Variants in UBE2E2 observed in about 807,000 individuals in gnomAD.
UBE2E2 encodes the protein ubiquitin conjugating enzyme E2 E2, also known as ubiquitin-conjugating enzyme E2 E2.
UBE2E2 carries 6 observed loss-of-function variants against 24.7 expected under a neutral mutation model. The observed-to-expected ratio is 0.24, with a 90% CI of 0.13 to 0.48. UBE2E2 has a LOEUF of 0.48. Ranked by LOEUF, UBE2E2 falls within the 20% of genes least tolerant of loss-of-function variation. UBE2E2 has a pLI of 0.99. For synonymous variants in UBE2E2, 104 were observed against 83.6 expected (o/e 1.24, Z -1.33); for missense variants, 169 against 245.0 (o/e 0.69, Z 2.07).
At position 23,590,669 on chromosome 3, in the gene UBE2E2, A is replaced by G. The variant is rs1696740408; in HGVS notation, c.*838A>G. On this transcript the variant is annotated 3_prime_UTR_variant, in exon 6 of 6. Transcript: ENST00000396703. ...CTTGTCTAATTCAATTACAGGTTCA[A>G]GTGTATTTTTCATCTCAAACCTCTA... The G allele has an allele frequency of 6.6e-6, 1 of 152,474 alleles. No individual in the cohort carries two copies. The highest frequency in any genetic ancestry group is 2.4e-5 in the African/African-American group (1 of 41,422). The allele number at this position is 152,474 out of a possible 1,614,324, so 9.4% of individuals were successfully genotyped here.
At chr3:23,564,406 A>G (rs567805697) in intron 5 of UBE2E2, among the ~76,000 whole-genome samples, 7 of 152,252 alleles carry the variant, frequency 4.6e-5, no homozygotes, top group East Asian at 3.9e-4. Context: ...AAAAAGAACT[A>G]TTTTAGAATT....
At chr3:23,459,661 C>G (rs1444199387) in intron 3 of UBE2E2, among the ~76,000 whole-genome samples, 3 of 152,164 alleles carry the variant, frequency 2.0e-5, no homozygotes. Flanking sequence ...GCCATACAAA[C>G]TCAGCATGTG....
intron 3 of UBE2E2, among the ~76,000 whole-genome samples, chr3:23,398,782 C>A (rs1277207111): frequency 1.3e-5 from 2 of 152,146 alleles, no homozygotes; most frequent in East Asian, 1.9e-4. Flanking sequence ...ATGGGGGATG[C>A]ATCTTATTTC....
At chr3:23,236,535 C>A (rs1053414100) in intron 3 of UBE2E2, among the ~76,000 whole-genome samples, 6 of 144,146 alleles carry the variant, frequency 4.2e-5, no homozygotes, top group African/African-American at 1.5e-4. Flanking sequence ...CAGTGTGTAT[C>A]ATTATTTATT....
intron 3 of UBE2E2, among the ~76,000 whole-genome samples, chr3:23,226,413 T>G (rs945599867): frequency 1.3e-5 from 2 of 152,128 alleles, no homozygotes; most frequent in African/African-American, 2.4e-5. Flanking sequence ...TTTGAAGGAT[T>G]TCTGTATGTG....
At chr3:23,578,927 A>T (rs1018531901) in intron 5 of UBE2E2, among the ~76,000 whole-genome samples, 1 of 152,168 alleles carries the variant, frequency 6.6e-6, no homozygotes, top group Non-Finnish European at 1.5e-5. Flanking sequence ...CCTGAACTTA[A>T]AAGTTAAAAA....
intron 3 of UBE2E2, among the ~76,000 whole-genome samples, chr3:23,255,450 T>C (rs952857977): frequency 4.6e-5 from 7 of 152,080 alleles, no homozygotes; most frequent in African/African-American, 1.7e-4. Flanking sequence ...AATAACGCAG[T>C]GTAGAAGAGA....
At chr3:23,454,408 A>G (rs886082937) in intron 3 of UBE2E2, among the ~76,000 whole-genome samples, 7 of 152,218 alleles carry the variant, frequency 4.6e-5, no homozygotes, top group African/African-American at 1.4e-4. Context: ...GAGTTGGGTA[A>G]GACCTTTAAG....
chr3:23,307,209 A>C (rs369419241), intron 3 of UBE2E2, among the ~76,000 whole-genome samples: 3 of 152,232 alleles, frequency 2.0e-5, no homozygotes, highest in East Asian at 3.9e-4. Flanking sequence ...ATACTGTTGC[A>C]GTTTCATAGC....
intron 4 of UBE2E2, among the ~76,000 whole-genome samples, chr3:23,506,029 C>T (rs1413583204): frequency 6.6e-6 from 1 of 152,082 alleles, no homozygotes; most frequent in Non-Finnish European, 1.5e-5. Flanking sequence ...TTATTATGTA[C>T]TTGTTTTTAT....
At chr3:23,217,897 G>A (rs1405007297) in intron 3 of UBE2E2, among the ~76,000 whole-genome samples, 2 of 152,108 alleles carry the variant, frequency 1.3e-5, no homozygotes, top group African/African-American at 4.8e-5. Flanking sequence ...CCTGGAAATG[G>A]TTAATGTTAT....
intron 3 of UBE2E2, among the ~76,000 whole-genome samples, chr3:23,400,586 G>T (rs541508103): frequency 2.0e-4 from 26 of 131,408 alleles, no homozygotes; most frequent in Non-Finnish European, 4.0e-4. Flanking sequence ...TCTACAGGTG[G>T]ACAGAGAGGA....
At position 23,591,181 on chromosome 3, in the gene UBE2E2, A is replaced by G. The variant is rs1696751566; in HGVS notation, c.*1350A>G. 6.6e-6 allele frequency: 1 copy of G among 152,168 alleles called. No individual in the cohort carries two copies. The allele number at this position is 152,168 out of a possible 1,614,324, so 9.4% of individuals were successfully genotyped here. Reference sequence around the variant, plus strand: ...AAAACACGCTGACTTGCTGATTGATAATTCAGGGTTATTAGTGTAACAAAG... The same window carrying G: ...AAAACACGCTGACTTGCTGATTGATGATTCAGGGTTATTAGTGTAACAAAG... On this transcript the variant is annotated 3_prime_UTR_variant, in exon 6 of 6. Transcript: ENST00000396703.
intron 3 of UBE2E2, among the ~76,000 whole-genome samples, chr3:23,378,871 A>G (rs944817774): frequency 5.9e-5 from 9 of 152,244 alleles, no homozygotes; most frequent in Admixed American, 5.9e-4. Context: ...GGCCTACCTA[A>G]TTTTTACTTG....
At chr3:23,217,343 A>G (rs755209225) in intron 3 of UBE2E2, 31 bp downstream of exon 3, 3 of 1,602,038 alleles carry the variant, frequency 1.9e-6, no homozygotes, top group East Asian at 2.2e-5. Flanking sequence ...ATTTACTTGT[A>G]TCTTTTGCAG....
intron 3 of UBE2E2, among the ~76,000 whole-genome samples, chr3:23,237,412 A>G (rs542448064): frequency 1.4e-3 from 206 of 152,266 alleles, no homozygotes; most frequent in African/African-American, 4.7e-3. Context: ...ACATATAAGT[A>G]TCTTGTTACT....
intron 3 of UBE2E2, among the ~76,000 whole-genome samples, chr3:23,281,680 ACTTT>A (rs1445610361): frequency 6.6e-6 from 1 of 152,172 alleles, no homozygotes; most frequent in East Asian, 1.9e-4. Flanking sequence ...TTTTTCTTAA[ACTTT>A]CTTTAATTTG....
intron 3 of UBE2E2, among the ~76,000 whole-genome samples, chr3:23,344,859 T>G (rs1216380300): frequency 1.3e-5 from 2 of 151,640 alleles, no homozygotes; most frequent in Non-Finnish European, 2.9e-5. Flanking sequence ...ACTTAGCACA[T>G]AAGTGATCAT....
At chr3:23,206,837 A>G (rs1278787936) in intron 1 of UBE2E2, among the ~76,000 whole-genome samples, 1 of 152,184 alleles carries the variant, frequency 6.6e-6, no homozygotes, top group Non-Finnish European at 1.5e-5. Flanking sequence ...AAGTTATAGT[A>G]ATTAAAAAAT....
Sources: gnomAD v4.1 joint callset for allele counts (sites outside exome capture counted in the v4.1 genomes callset) on GRCh38, gnomAD v4.1.1 for gene constraint, MANE v1.5 for transcripts, NCBI Gene and HGNC (gene_info 2026-07-23, HGNC 2026-07-21) for gene names.